Variants in SLC44A5 observed in about 807,000 individuals in gnomAD.
The protein encoded by SLC44A5 is choline transporter-like protein 5.
In SLC44A5, 57 loss-of-function variants were observed where a neutral mutation model predicts 101.8. That is an observed-to-expected ratio of 0.56 (90% CI 0.45 to 0.70). The LOEUF is 0.70. Ranked by LOEUF, SLC44A5 falls within the 30% of genes least tolerant of loss-of-function variation. SLC44A5 has a pLI of 0.00. For missense variants in SLC44A5, 737 were observed against 853.1 expected, an observed-to-expected ratio of 0.86 and a Z score of 1.70; for synonymous variants, 281 against 290.9, an observed-to-expected ratio of 0.97 and a Z score of 0.35.
the SLC44A5 span, among the ~76,000 whole-genome samples, chr1:75,660,541 T>C: frequency 8.1e-4 from 124 of 152,306 alleles, no homozygotes; most frequent in Admixed American, 1.5e-3. Flanking sequence ...ATTGTCCTCA[T>C]TTGCAGATGA....
intron 4 of SLC44A5, among the ~76,000 whole-genome samples, chr1:75,323,266 T>G (rs12073131): frequency 0.011 from 1,623 of 151,824 alleles, 29 homozygotes; most frequent in African/African-American, 0.037. Context: ...ACAAAGGACA[T>G]GAACTCATCA....
At chr1:75,322,071 C>A (rs1249661) in intron 4 of SLC44A5, among the ~76,000 whole-genome samples, 6 of 152,084 alleles carry the variant, frequency 3.9e-5, no homozygotes, top group Admixed American at 3.9e-4. Flanking sequence ...TCCAGCACTT[C>A]GGGAGGCTGA....
At chr1:75,710,064 G>A in the SLC44A5 span, 1 of 152,168 alleles carries the variant, frequency 6.6e-6, no homozygotes, top group Admixed American at 6.5e-5. Context: ...AGTGACAGAA[G>A]CAGATCAGTG....
At chr1:75,218,372 T>G in intron 17 of SLC44A5, 118 bp downstream of exon 17, 1 of 1,366,148 alleles carries the variant, frequency 7.3e-7, no homozygotes. Flanking sequence ...CCATGAATTT[T>G]GATTCATACC....
At chr1:75,628,011 G>T in the SLC44A5 span, among the ~76,000 whole-genome samples, 3 of 151,024 alleles carry the variant, frequency 2.0e-5, no homozygotes, top group East Asian at 1.9e-4. Flanking sequence ...CAGCTAGTAC[G>T]TGGCGAAATA....
intron 1 of SLC44A5, among the ~76,000 whole-genome samples, chr1:75,569,946 A>G (rs891305825): frequency 2.2e-4 from 34 of 152,246 alleles, no homozygotes; most frequent in African/African-American, 7.5e-4. Flanking sequence ...AGGGCTCACT[A>G]TCAACAGATC....
At chr1:75,216,040 T>A (rs1158284765) in intron 18 of SLC44A5, among the ~76,000 whole-genome samples, 183 bp from the exon 19 acceptor site, 3 of 152,074 alleles carry the variant, frequency 2.0e-5, no homozygotes, top group African/African-American at 7.2e-5. Context: ...GAGTAATTTA[T>A]AATGTTGTAC....
At chr1:75,634,142 T>A in the SLC44A5 span, among the ~76,000 whole-genome samples, 2 of 152,216 alleles carry the variant, frequency 1.3e-5, no homozygotes, top group Non-Finnish European at 2.9e-5. Context: ...ATGGAGTATT[T>A]TTGCATCAAT....
At chr1:75,236,906 A>C in intron 11 of SLC44A5, 81 bp downstream of exon 11, 2 of 714,276 alleles carry the variant, frequency 2.8e-6, no homozygotes, top group Non-Finnish European at 4.6e-6. Context: ...ATGAATAAAA[A>C]TATAAAATTT....
At chr1:75,339,670 C>A in intron 3 of SLC44A5, 40 bp from the exon 4 acceptor site, 1 of 1,525,694 alleles carries the variant, frequency 6.6e-7, no homozygotes, top group Non-Finnish European at 9.0e-7. Context: ...TATAAGCCAG[C>A]AAATAAATTA....
the SLC44A5 span, among the ~76,000 whole-genome samples, chr1:75,640,652 T>A: frequency 2.6e-5 from 4 of 152,224 alleles, no homozygotes; most frequent in African/African-American, 9.6e-5. Flanking sequence ...CATTTGTGCA[T>A]GCTATAGAAA....
intron 1 of SLC44A5, among the ~76,000 whole-genome samples, chr1:75,573,112 A>G (rs572713537): frequency 1.0e-3 from 129 of 126,404 alleles, no homozygotes; most frequent in Non-Finnish European, 1.7e-3. Context: ...TGAGCGACAG[A>G]GCAAGGCTCC....
At chr1:75,639,382 T>C in the SLC44A5 span, among the ~76,000 whole-genome samples, 2 of 152,160 alleles carry the variant, frequency 1.3e-5, no homozygotes, top group Non-Finnish European at 2.9e-5. Context: ...GTTCATGTTT[T>C]AATAAAGCCT....
intron 3 of SLC44A5, chr1:75,357,131 T>C: frequency 2.2e-6 from 1 of 452,056 alleles, no homozygotes. Flanking sequence ...TGCCATCCAA[T>C]CCATCTTCAG....
intron 2 of SLC44A5, among the ~76,000 whole-genome samples, chr1:75,522,867 A>T (rs544256626): frequency 6.6e-6 from 1 of 152,286 alleles, no homozygotes; most frequent in East Asian, 1.9e-4. Context: ...AGTTCTCAAC[A>T]TAAGGGAAAG....
At chr1:75,506,863 T>C (rs1171131318) in intron 2 of SLC44A5, among the ~76,000 whole-genome samples, 1 of 151,844 alleles carries the variant, frequency 6.6e-6, no homozygotes, top group Non-Finnish European at 1.5e-5. Context: ...TTCTGTGCTA[T>C]GTTGAAGAGG....
chr1:75,689,244 T>C, the SLC44A5 span, among the ~76,000 whole-genome samples: 26 of 152,226 alleles, frequency 1.7e-4, no homozygotes, highest in African/African-American at 6.3e-4. Flanking sequence ...TGCAGTCCAC[T>C]AAAGAGGACT....
At chr1:75,207,155 C>G (rs549022513) in intron 23 of SLC44A5, among the ~76,000 whole-genome samples, 5 of 152,236 alleles carry the variant, frequency 3.3e-5, no homozygotes, top group African/African-American at 1.2e-4. Flanking sequence ...GTAGTCCATA[C>G]TCCGATGTTA....
At chr1:75,662,670 A>G in the SLC44A5 span, among the ~76,000 whole-genome samples, 5 of 115,438 alleles carry the variant, frequency 4.3e-5, no homozygotes, top group Non-Finnish European at 3.6e-5. Flanking sequence ...AAAATTAGAT[A>G]TATGTATGTA....
Sources: allele counts gnomAD v4.1 joint callset (sites outside exome capture counted in the v4.1 genomes callset), GRCh38; gene constraint gnomAD v4.1.1; transcripts MANE v1.5; gene names NCBI Gene and HGNC (gene_info 2026-07-23, HGNC 2026-07-21).